Variants in CSMD1 observed in about 807,000 individuals in gnomAD.
CSMD1 encodes CUB and sushi domain-containing protein 1.
CSMD1 carries 213 observed loss-of-function variants against 417.5 expected under a neutral mutation model. The ratio of observed to expected loss-of-function variants is 0.51; its 90% confidence interval spans 0.46 to 0.57. The LOEUF is 0.57. CSMD1 is among the 20% of genes least tolerant of loss of function. The probability of loss-of-function intolerance (pLI) is 0.00; values close to 1 mark genes in which losing one functional copy is unlikely to be tolerated. For synonymous variants in CSMD1, 2,862 were observed against 1,736.8 expected (o/e 1.65, Z -16.11); for missense variants, 6,923 against 4,529.7 (o/e 1.53, Z -15.17).
In CSMD1 at chr8:3,498,276, T is replaced by C. The variant is rs140383689; in HGVS notation, c.1345-4550A>G. Among the ~76,000 whole-genome samples, 402 of 152,350 alleles carry C rather than the reference T, an allele frequency of 2.6e-3. 4 individuals are homozygous for C. Among genetic ancestry groups the C allele is most frequent in the African/African-American group, 9.3e-3 (386 of 41,588 alleles). On this transcript the variant is annotated intron_variant, in intron 10 of 69. Coordinates refer to ENST00000635120, the MANE Select transcript of CSMD1 (RefSeq NM_033225.6). ...TTTATTATGTATTTATATTGCTATA[T>C]CAAGGTGTGGATATTTTGGAGGTAT...
At chr8:4,013,329 G>A (rs1796368932) in intron 4 of CSMD1, among the ~76,000 whole-genome samples, 1 of 152,152 alleles carries the variant, frequency 6.6e-6, no homozygotes, top group Non-Finnish European at 1.5e-5. Flanking sequence ...ACCGTACGCT[G>A]TTGTCTCAAG....
Position 4,086,136 on chromosome 8 carries a change from T to C in CSMD1, c.416-54037A>G, listed in dbSNP as rs184655537. On this transcript the variant is annotated intron_variant, in intron 3 of 69. Transcript: ENST00000635120. ...CTATGAGGTAGATGTTATTGCTACA[T>C]TTAAGTTGCAATTTTTTTCAAAAAG... Among the ~76,000 whole-genome samples the C allele has an allele frequency of 1.9e-3, 284 of 152,318 alleles. 5 individuals are homozygous for C. In the East Asian group the frequency reaches 0.02, roughly 11 times the overall value.
intron 3 of CSMD1, among the ~76,000 whole-genome samples, chr8:4,154,730 C>G (rs986386876): frequency 6.6e-6 from 1 of 152,112 alleles, no homozygotes; most frequent in African/African-American, 2.4e-5. Context: ...GTAGACCTAC[C>G]TTATGCAAGT....
At chr8:4,534,088 G>A (rs1005283747) in intron 2 of CSMD1, among the ~76,000 whole-genome samples, 1 of 152,116 alleles carries the variant, frequency 6.6e-6, no homozygotes, top group Non-Finnish European at 1.5e-5. Flanking sequence ...TATCTCAACA[G>A]ATTATGTACA....
intron 7 of CSMD1, among the ~76,000 whole-genome samples, chr8:3,694,502 A>G (rs1264493995): frequency 6.6e-6 from 1 of 152,088 alleles, no homozygotes; most frequent in Non-Finnish European, 1.5e-5. Flanking sequence ...AAGCATGTGC[A>G]TAGAGACAGT....
chr8:3,223,839 T>C lies in CSMD1; in HGVS notation c.4374A>G (p.Pro1458=), dbSNP rs1179301292. ...IAACGGNLTG[P]AGVILSPNYP... ...AGTTGGGTGACAAAATAACACCTGC[T>C]GGGCCCGTCAGATTCCCTCCACAAG... The change falls in exon 28 of 70, where the codon CCA becomes CCG. Residue 1458 remains proline, a synonymous_variant. Transcript: ENST00000635120. 6.2e-7 allele frequency: 1 copy of C among 1,613,786 alleles called. No homozygotes were observed. Among genetic ancestry groups the C allele is most frequent in the Non-Finnish European group, 8.5e-7 (1 of 1,179,824 alleles).
intron 3 of CSMD1, among the ~76,000 whole-genome samples, chr8:4,055,020 C>A (rs1034347438): frequency 6.6e-6 from 1 of 152,218 alleles, no homozygotes; most frequent in East Asian, 1.9e-4. Context: ...GTGAAGAAGG[C>A]GCCTATTTCA....
intron 5 of CSMD1, among the ~76,000 whole-genome samples, chr8:3,908,070 G>C (rs545603367): frequency 6.6e-6 from 1 of 152,130 alleles, no homozygotes; most frequent in African/African-American, 2.4e-5. Flanking sequence ...TCAAATTGCA[G>C]TCACTGGAGG....
intron 2 of CSMD1, among the ~76,000 whole-genome samples, chr8:4,499,386 G>A (rs61597359): frequency 1.3e-5 from 2 of 152,204 alleles, no homozygotes; most frequent in African/African-American, 2.4e-5. Flanking sequence ...AGTCTGCAGA[G>A]AGGGGTCAGG....
intron 10 of CSMD1, among the ~76,000 whole-genome samples, chr8:3,559,914 G>C (rs546678517): frequency 3.3e-5 from 5 of 152,170 alleles, no homozygotes; most frequent in Non-Finnish European, 7.3e-5. Flanking sequence ...TATTCAAGAG[G>C]TGAAGGAATT....
intron 5 of CSMD1, among the ~76,000 whole-genome samples, chr8:3,838,713 A>C (rs1407375420): frequency 3.3e-5 from 3 of 92,270 alleles, no homozygotes; most frequent in Admixed American, 2.8e-4. Context: ...ATATAGTATA[A>C]TATATAATAA....
At chr8:4,445,284 C>G (rs769782928) in intron 2 of CSMD1, among the ~76,000 whole-genome samples, 10 of 152,136 alleles carry the variant, frequency 6.6e-5, no homozygotes, top group Non-Finnish European at 1.5e-4. Context: ...TTACCTATGA[C>G]ATTCCGTTAG....
chr8:4,036,951 T>G (rs1436841823), intron 3 of CSMD1, among the ~76,000 whole-genome samples: 1 of 125,130 alleles, frequency 8.0e-6, no homozygotes, highest in Non-Finnish European at 1.6e-5. Context: ...TATGGGTGAG[T>G]GTGGGGTGTG....
intron 10 of CSMD1, among the ~76,000 whole-genome samples, chr8:3,528,071 C>A (rs1484503064): frequency 6.6e-6 from 1 of 152,108 alleles, no homozygotes; most frequent in African/African-American, 2.4e-5. Context: ...AAACCACCCC[C>A]ATATAAGAAC....
rs1408255284 is a variant in CSMD1 at position 3,201,647 on chromosome 8, G to C, written c.5063C>G (p.Ala1688Gly). ...AELFDGTHAQARLLSSLSGSH... is the reference protein window; with the variant it reads ...AELFDGTHAQGRLLSSLSGSH... ...CCCCGAGAGTGAGCTGAGAAGTCTG[G>C]CCTGTGCATGGGTTCCATCAAATAA... Residue 1688 changes from alanine (A) to glycine (G), a missense_variant, in exon 32 of 70, where the codon GCC (alanine) becomes GGC (glycine). Transcript: ENST00000635120. 1.2e-6 allele frequency: 2 copies of C among 1,605,542 alleles called. No individual in the cohort carries two copies. The highest frequency in any genetic ancestry group is 2.2e-5 in the East Asian group (1 of 44,662).
intron 6 of CSMD1, among the ~76,000 whole-genome samples, chr8:3,734,340 T>C (rs1221905928): frequency 6.6e-6 from 1 of 152,162 alleles, no homozygotes; most frequent in Admixed American, 6.5e-5. Context: ...AAGAGACTGA[T>C]GAGGGCTGTT....
At chr8:4,182,615 A>G (rs1261931808) in intron 3 of CSMD1, among the ~76,000 whole-genome samples, 7 of 152,172 alleles carry the variant, frequency 4.6e-5, no homozygotes, top group Non-Finnish European at 7.3e-5. Flanking sequence ...TTTATGGACA[A>G]CAGTGTTTAT....
At chr8:3,119,995 A>C (rs1030245444) in intron 41 of CSMD1, among the ~76,000 whole-genome samples, 7 of 152,184 alleles carry the variant, frequency 4.6e-5, no homozygotes, top group Admixed American at 2.0e-4. Flanking sequence ...GTGAAATGGA[A>C]ATTTCAATTT....
intron 54 of CSMD1, among the ~76,000 whole-genome samples, chr8:2,994,145 C>CAAAAAAAAA (rs35438493): frequency 7.9e-4 from 24 of 30,522 alleles, no homozygotes; most frequent in African/African-American, 3.6e-3. Flanking sequence ...AACTCCATCT[C>CAAAAAAAAA]AAAAAAAAAA....
Sources: allele counts gnomAD v4.1 joint callset (sites outside exome capture counted in the v4.1 genomes callset), GRCh38; gene constraint gnomAD v4.1.1; transcripts MANE v1.5; gene names NCBI Gene and HGNC (gene_info 2026-07-23, HGNC 2026-07-21).